The following ATP6V1C2 variants were observed in gnomAD, a reference collection of about 807,000 sequenced individuals.
ATP6V1C2 encodes ATPase H+ transporting V1 subunit C2.
ATP6V1C2 carries 45 observed loss-of-function variants against 56.8 expected under a neutral mutation model. The ratio of observed to expected loss-of-function variants is 0.79; its 90% CI spans 0.62 to 1.02. ATP6V1C2 has a LOEUF of 1.02. Ranked by LOEUF, ATP6V1C2 falls within the 50% of genes least tolerant of loss-of-function variation. ATP6V1C2 has a pLI of 0.00. For missense variants in ATP6V1C2, 463 were observed against 519.7 expected, an observed-to-expected ratio of 0.89 and a Z score of 1.06; for synonymous variants, 220 against 201.3, an observed-to-expected ratio of 1.09 and a Z score of -0.79.
chr2:10,782,133 T>C, intron 12 of ATP6V1C2, 110 bp from the exon 13 acceptor site: 2 of 1,283,682 alleles, frequency 1.6e-6, no homozygotes, highest in East Asian at 2.3e-5. Flanking sequence ...TTTATGAAGC[T>C]GTGTTGGTTG....
At chr2:10,768,535 C>T (rs1056070817) in intron 5 of ATP6V1C2, among the ~76,000 whole-genome samples, 184 bp from the exon 6 acceptor site, 3 of 152,244 alleles carry the variant, frequency 2.0e-5, no homozygotes, top group Admixed American at 1.3e-4. Context: ...CATGGCTTGG[C>T]GCCTGGGTGC....
chr2:10,729,981 C>T (rs1329161274), intron 3 of ATP6V1C2, among the ~76,000 whole-genome samples: 1 of 152,182 alleles, frequency 6.6e-6, no homozygotes, highest in Non-Finnish European at 1.5e-5. Context: ...TCTTCTCCTA[C>T]CCCTTAACAT....
chr2:10,768,916 A>T (rs1027376741), intron 6 of ATP6V1C2, 106 bp downstream of exon 6: 3 of 857,420 alleles, frequency 3.5e-6, no homozygotes, highest in Non-Finnish European at 5.7e-6. Context: ...CCCATGCATG[A>T]GAGTGAGACA....
chr2:10,730,260 C>T lies in ATP6V1C2; in HGVS notation c.197+3691C>T, dbSNP rs995494021. ...TCTTCCAAGTAGCTGAGATTACAGGCGTGTGCCACCAGGCCAGGCTAATTT... is the reference window on the plus strand; with the variant it reads ...TCTTCCAAGTAGCTGAGATTACAGGTGTGTGCCACCAGGCCAGGCTAATTT... On this transcript the variant is annotated intron_variant, in intron 3 of 13. Coordinates refer to ENST00000272238, the MANE Select transcript of ATP6V1C2 (RefSeq NM_001039362.2). 2.6e-5 allele frequency among the ~76,000 whole-genome samples: 4 copies of T among 152,164 alleles called. No homozygotes were observed. The East Asian group carries it at 5.8e-4, about 22-fold the overall frequency.
chr2:10,746,033 C>G (rs1038049011), intron 3 of ATP6V1C2, among the ~76,000 whole-genome samples: 1 of 152,156 alleles, frequency 6.6e-6, no homozygotes, highest in Non-Finnish European at 1.5e-5. Context: ...GGGTCGCTCC[C>G]ACCTTTTGGT....
chr2:10,739,880 A>G (rs1165181971), intron 3 of ATP6V1C2, among the ~76,000 whole-genome samples: 3 of 152,068 alleles, frequency 2.0e-5, no homozygotes, highest in African/African-American at 7.2e-5. Context: ...CGGGCGGATC[A>G]CTTGAGGTTA....
At chr2:10,728,793 A>AG (rs1325050053) in intron 3 of ATP6V1C2, among the ~76,000 whole-genome samples, 1 of 150,710 alleles carries the variant, frequency 6.6e-6, no homozygotes, top group East Asian at 2.0e-4. Context: ...AAAAAAAAAA[A>AG]AGTGTATGAG....
chr2:10,723,817 T>A (rs1661488038), intron 2 of ATP6V1C2, among the ~76,000 whole-genome samples: 1 of 137,654 alleles, frequency 7.3e-6, no homozygotes. Flanking sequence ...CCAGCCTGGG[T>A]GAACGGCGAG....
At chr2:10,778,051 C>A (rs1665112391) in intron 11 of ATP6V1C2, among the ~76,000 whole-genome samples, 1 of 151,944 alleles carries the variant, frequency 6.6e-6, no homozygotes, top group Non-Finnish European at 1.5e-5. Context: ...CTGAACCCAC[C>A]CCTGACCTTT....
At chr2:10,724,908 C>T (rs897040539) in intron 2 of ATP6V1C2, among the ~76,000 whole-genome samples, 2 of 151,916 alleles carry the variant, frequency 1.3e-5, no homozygotes, top group African/African-American at 4.8e-5. Context: ...TTCGGCCTCC[C>T]AAAGTGTTGA....
intron 1 of ATP6V1C2, among the ~76,000 whole-genome samples, chr2:10,721,976 A>C (rs1661390865): frequency 1.3e-5 from 2 of 152,330 alleles, no homozygotes; most frequent in Non-Finnish European, 2.9e-5. Context: ...TTAGGAGAGA[A>C]CAAAATGCCC....
chr2:10,764,201 G>T, intron 4 of ATP6V1C2, 130 bp from the exon 5 acceptor site: 1 of 743,128 alleles, frequency 1.3e-6, no homozygotes, highest in Non-Finnish European at 2.3e-6. Flanking sequence ...AGAGCCCTGT[G>T]CCTGCCCGCC....
At chr2:10,743,981 CAA>C (rs61311440) in intron 3 of ATP6V1C2, among the ~76,000 whole-genome samples, 1,910 of 90,662 alleles carry the variant, frequency 0.021, 56 homozygotes, top group African/African-American at 0.057. Flanking sequence ...GATTCAGTCT[CAA>C]AAAAAAAAAA....
chr2:10,777,745 CG>C (rs1665091725), intron 11 of ATP6V1C2, 23 bp downstream of exon 11: 5 of 1,592,344 alleles, frequency 3.1e-6, no homozygotes, highest in Non-Finnish European at 4.3e-6. Context: ...CCGGGAACCC[CG>C]GGGTCCCTGG....
chr2:10,747,885 G>T (rs1663008887), intron 3 of ATP6V1C2, among the ~76,000 whole-genome samples: 1 of 151,262 alleles, frequency 6.6e-6, no homozygotes. Flanking sequence ...TTTTGAGATG[G>T]TGTCTCGCTT....
intron 10 of ATP6V1C2, among the ~76,000 whole-genome samples, chr2:10,776,226 T>C (rs1664963567): frequency 6.6e-6 from 1 of 152,102 alleles, no homozygotes; most frequent in Admixed American, 6.5e-5. Flanking sequence ...TAGGGGGTTT[T>C]TCACCCTCCT....
chr2:10,748,038 C>T (rs1663017790), intron 3 of ATP6V1C2, among the ~76,000 whole-genome samples: 1 of 152,092 alleles, frequency 6.6e-6, no homozygotes, highest in South Asian at 2.1e-4. Flanking sequence ...GCTGGTATTA[C>T]AGGCATGCAC....
At chr2:10,753,282 C>T (rs1026668468) in intron 3 of ATP6V1C2, among the ~76,000 whole-genome samples, 9 of 152,164 alleles carry the variant, frequency 5.9e-5, no homozygotes, top group African/African-American at 1.2e-4. Flanking sequence ...TTATAATACA[C>T]GCCTTGTTCC....
At chr2:10,744,160 G>A (rs1046920293) in intron 3 of ATP6V1C2, 1 of 152,094 alleles carries the variant, frequency 6.6e-6, no homozygotes, top group Admixed American at 6.6e-5. Context: ...CAGCCTGGGT[G>A]ACAGAGTGCG....
Sources: gnomAD v4.1 joint callset for allele counts (sites outside exome capture counted in the v4.1 genomes callset) on GRCh38, gnomAD v4.1.1 for gene constraint, MANE v1.5 for transcripts, NCBI Gene and HGNC (gene_info 2026-07-23, HGNC 2026-07-21) for gene names.